JKAMP: variants seen among roughly 807,000 people sequenced by gnomAD.
JKAMP encodes the protein JNK1/MAPK8 associated membrane protein, also known as JNK1/MAPK8-associated membrane protein.
JKAMP carries 20 observed loss-of-function variants against 40.2 expected under a neutral mutation model. That is an observed-to-expected ratio of 0.50 (90% CI 0.35 to 0.72). JKAMP has a LOEUF of 0.72. Ranked by LOEUF, JKAMP falls within the 30% of genes least tolerant of loss-of-function variation. JKAMP has a pLI of 0.01. For missense variants in JKAMP, 276 were observed against 373.0 expected, an observed-to-expected ratio of 0.74 and a Z score of 2.14; for synonymous variants, 138 against 131.6, an observed-to-expected ratio of 1.05 and a Z score of -0.33.
rs1890689251 is a variant in JKAMP at position 59,487,754 on chromosome 14, C to T, written c.177C>T (p.Leu59=). The T allele has an allele frequency of 1.2e-6, 2 of 1,613,276 alleles. No individual in the cohort carries two copies. The highest frequency in any genetic ancestry group is 1.7e-6 in the Non-Finnish European group (2 of 1,179,354). Reference sequence around the variant, plus strand: ...AATCTCCTGAACTTTATGATTGGCTCTATCTTGGATTTATGGCAATGCTTC... The same window carrying T: ...AATCTCCTGAACTTTATGATTGGCTTTATCTTGGATTTATGGCAATGCTTC... ...CTESPELYDW[L]YLGFMAMLPL... Residue 59 remains leucine (L), a synonymous_variant, in exon 3 of 7, where the codon CTC becomes CTT. Coordinates refer to ENST00000616435, the MANE Select transcript of JKAMP (RefSeq NM_016475.5).
chr14:59,485,006 A>G, intron 1 of JKAMP: 1 of 1,585,740 alleles, frequency 6.3e-7, no homozygotes, highest in Non-Finnish European at 8.5e-7. Flanking sequence ...AGCGCCCGTC[A>G]CAAAGGGCAG....
In JKAMP at chr14:59,504,408, AAC is replaced by A. The variant is rs1401470412; in HGVS notation, c.*339_*340del. ...TTCCCATTTTATTAAGAAAAGCTTT[AAC>A]ACGTGTAATCTGCAGTCCTTAACAG... On this transcript the variant is annotated 3_prime_UTR_variant, in exon 7 of 7. Transcript: ENST00000616435. The A allele has an allele frequency of 8.4e-6, 2 of 236,968 alleles. No individual in the cohort carries two copies. The highest frequency in any genetic ancestry group is 1.6e-5 in the Non-Finnish European group (2 of 122,168). The allele number at this position is 236,968 out of a possible 1,614,324, so 14.7% of individuals were successfully genotyped here.
In JKAMP at chr14:59,505,193, C is replaced by A; in HGVS notation, c.*1121C>A. The A allele has an allele frequency of 9.8e-7, 1 of 1,018,256 alleles. No homozygotes were observed. The highest frequency in any genetic ancestry group is 1.8e-5 in the South Asian group (1 of 54,316). 63.1% of individuals were successfully genotyped at this position (1,018,256 alleles called of 1,614,324 possible). A position where few individuals can be genotyped will look rare whatever the true frequency, so the allele number is the denominator to read the frequency against. ...TATGAAAGTAAGTGCACTCACTTTT[C>A]CTGTAGTAGTCTGTCTTTTGAATTC... On this transcript the variant is annotated 3_prime_UTR_variant, in exon 7 of 7. Coordinates refer to ENST00000616435, the MANE Select transcript of JKAMP (RefSeq NM_016475.5).
chr14:59,504,077 A>G lies in JKAMP; in HGVS notation c.*5A>G. ...GAAGGAGCCAATGGACACTGAGTGT[A>G]GACATGTGAAATGCCAAAAACCTGA... On this transcript the variant is annotated 3_prime_UTR_variant, in exon 7 of 7. Coordinates refer to ENST00000616435, the MANE Select transcript of JKAMP (RefSeq NM_016475.5). 1.9e-6 allele frequency: 3 copies of G among 1,592,344 alleles called. No individual in the cohort carries two copies. The highest frequency in any genetic ancestry group is 2.6e-6 in the Non-Finnish European group (3 of 1,160,784).
Position 59,485,088 on chromosome 14 carries a change from A to G in JKAMP, c.4+495A>G, listed in dbSNP as rs781566810. 10 of 1,598,366 alleles carry G rather than the reference A, an allele frequency of 6.3e-6. No individual in the cohort carries two copies. The Admixed American group carries it at 8.3e-5, about 13-fold the overall frequency. On this transcript the variant is annotated intron_variant, in intron 1 of 6. Transcript: ENST00000616435. The stretch of plus-strand genomic sequence containing the variant: ...TAAAGGAAATGAAAGGAGAAATTCA[A>G]CAGTCGCTTGGAGCCTGGGTTTTGC...
chr14:59,485,399 G>C (rs1890468388), intron 1 of JKAMP: 1 of 326,064 alleles, frequency 3.1e-6, no homozygotes, highest in Non-Finnish European at 5.5e-6. Flanking sequence ...TCCGAAATTT[G>C]TTAAAAGCGA....
rs527684457 is a variant in JKAMP at position 59,499,015 on chromosome 14, CTTTTTT to C, written c.640+129_640+134del. The C allele has an allele frequency of 4.6e-3, 580 of 127,072 alleles. 1 individual carries two copies. Among genetic ancestry groups the C allele is most frequent in the Middle Eastern group, 0.014 (5 of 356 alleles). 7.9% of individuals were successfully genotyped at this position (127,072 alleles called of 1,614,324 possible). A position where few individuals can be genotyped will look rare whatever the true frequency, so the allele number is the denominator to read the frequency against. On this transcript the variant is annotated intron_variant, in intron 5 of 6. Coordinates refer to ENST00000616435, the MANE Select transcript of JKAMP (RefSeq NM_016475.5). Reference sequence around the variant, plus strand: ...TTTCCTTAAGATAGTTTGTTTAATCCTTTTTTTTTTTTTTTTTTTTTTTTTTTGTGA... The same window carrying C: ...TTTCCTTAAGATAGTTTGTTTAATCCTTTTTTTTTTTTTTTTTTTTTGTGA...
chr14:59,486,668 A>T, intron 1 of JKAMP, 45 bp from the exon 2 acceptor site: 1 of 1,329,384 alleles, frequency 7.5e-7, no homozygotes, highest in South Asian at 1.3e-5. Flanking sequence ...ATTATTTTTT[A>T]TAATCACAAA....
intron 3 of JKAMP, 122 bp from the exon 4 acceptor site, chr14:59,494,896 C>T (rs1488276871): frequency 5.4e-5 from 36 of 672,042 alleles, no homozygotes; most frequent in South Asian, 2.1e-4. Flanking sequence ...AGGTTATACT[C>T]GAGTAGTTTT....
chr14:59,488,046 G>A (rs1010169472), intron 3 of JKAMP, among the ~76,000 whole-genome samples: 1 of 152,086 alleles, frequency 6.6e-6, no homozygotes, highest in Non-Finnish European at 1.5e-5. Context: ...TACTCTCAGT[G>A]ATCTTGAAGG....
intron 6 of JKAMP, among the ~76,000 whole-genome samples, chr14:59,502,773 T>TTTTTTTTTTTTTTTTTTTTTTTTTTTTTG (rs796697193): frequency 4.9e-5 from 5 of 102,832 alleles, no homozygotes; most frequent in Admixed American, 1.2e-4. Flanking sequence ...TTTTTTTTTT[T>TTTTTTTTTTTTTTTTTTTTTTTTTTTTTG]CGGAGTCTCA....
At chr14:59,496,285 A>C (rs946932738) in intron 4 of JKAMP, among the ~76,000 whole-genome samples, 16 of 150,906 alleles carry the variant, frequency 1.1e-4, no homozygotes. Context: ...AAAATACTAT[A>C]TAAAACACTG....
intron 4 of JKAMP, among the ~76,000 whole-genome samples, chr14:59,497,625 A>G (rs1447807817): frequency 6.6e-6 from 1 of 152,194 alleles, no homozygotes; most frequent in Non-Finnish European, 1.5e-5. Flanking sequence ...TTTCCTCTTG[A>G]TTAAAATCAT....
chr14:59,502,473 A>G (rs995721512), intron 6 of JKAMP, among the ~76,000 whole-genome samples: 5 of 152,268 alleles, frequency 3.3e-5, no homozygotes, highest in African/African-American at 1.2e-4. Context: ...CACTTTTTCT[A>G]TTACCTTAGT....
At position 59,487,826 on chromosome 14, in the gene JKAMP, G is replaced by T; in HGVS notation, c.249G>T (p.Lys83Asn). ...WFFIEWYSGK[K>N]SSSALFQHIT... ...TCATTGAATGGTACTCGGGGAAAAA[G>T]AGGTTAGCACATTTCTATGAACATA... The change falls in exon 3 of 7, where the codon AAG becomes AAT. Residue 83 changes from lysine to asparagine, a missense_variant and splice_region_variant. By Grantham distance (94) the Lys-to-Asn change is moderately conservative. Coordinates refer to ENST00000616435, the MANE Select transcript of JKAMP (RefSeq NM_016475.5). 9 of 1,613,318 alleles carry T rather than the reference G, an allele frequency of 5.6e-6. No homozygotes were observed. Among genetic ancestry groups the T allele is most frequent in the Non-Finnish European group, 7.6e-6 (9 of 1,179,398 alleles).
At chr14:59,501,445 A>G (rs1160850236) in intron 6 of JKAMP, among the ~76,000 whole-genome samples, 178 bp downstream of exon 6, 1 of 152,188 alleles carries the variant, frequency 6.6e-6, no homozygotes, top group Admixed American at 6.5e-5. Flanking sequence ...ACTGGACTAT[A>G]TATTTCCCTG....
chr14:59,492,986 G>A (rs1014755235), intron 3 of JKAMP, among the ~76,000 whole-genome samples: 18 of 151,560 alleles, frequency 1.2e-4, no homozygotes, highest in African/African-American at 4.4e-4. Flanking sequence ...CTTTAGTAGA[G>A]ACGGGGTTTC....
At position 59,505,152 on chromosome 14, in the gene JKAMP, A is replaced by C; in HGVS notation, c.*1080A>C. 1.7e-6 allele frequency: 1 copy of C among 588,138 alleles called. No homozygotes were observed. Among genetic ancestry groups the C allele is most frequent in the South Asian group, 3.5e-5 (1 of 28,610 alleles). The allele number at this position is 588,138 out of a possible 1,614,324, so 36.4% of individuals were successfully genotyped here. On this transcript the variant is annotated 3_prime_UTR_variant, in exon 7 of 7. Transcript: ENST00000616435. ...TAAATTTTAAATGTTTAAGACTTCTATTAACAGCTGCAAAATATGAAAGTA... is the reference window on the plus strand; with the variant it reads ...TAAATTTTAAATGTTTAAGACTTCTCTTAACAGCTGCAAAATATGAAAGTA...
chr14:59,498,876 C>T lies in JKAMP; in HGVS notation c.608C>T (p.Thr203Ile), dbSNP rs756664817. 1.2e-6 allele frequency: 2 copies of T among 1,610,876 alleles called. No homozygotes were observed. Among genetic ancestry groups the T allele is most frequent in the Non-Finnish European group, 1.7e-6 (2 of 1,178,474 alleles). ...GCACTTTACTTCTTCCCAATTTTAA[C>T]CGTGCTTCAGGCAGTTGGTGGAGGC... ...YAALYFFPIL[T>I]VLQAVGGGLL... Residue 203 changes from threonine to isoleucine, a missense_variant, in exon 5 of 7, where the codon ACC (threonine) becomes ATC (isoleucine). By Grantham distance (89) the Thr-to-Ile change is moderately conservative. Transcript: ENST00000616435.
Sources: allele counts gnomAD v4.1 joint callset (sites outside exome capture counted in the v4.1 genomes callset), GRCh38; gene constraint gnomAD v4.1.1; transcripts MANE v1.5; gene names NCBI Gene and HGNC (gene_info 2026-07-23, HGNC 2026-07-21).